Variants in RRAGC observed in about 807,000 individuals in gnomAD.
RRAGC encodes the protein ras-related GTP-binding protein C.
A neutral mutation model predicts 37.1 loss-of-function variants in RRAGC; 8 were observed. That is an observed-to-expected ratio of 0.22 (90% CI 0.13 to 0.39). The LOEUF (loss-of-function observed/expected upper bound fraction) is 0.39. RRAGC is among the 10% of genes least tolerant of loss of function. The pLI, the probability that RRAGC is intolerant of heterozygous loss-of-function variation, is 1.00. For missense variants in RRAGC, 342 were observed against 497.6 expected, an observed-to-expected ratio of 0.69 and a Z score of 2.98; for synonymous variants, 190 against 181.1, an observed-to-expected ratio of 1.05 and a Z score of -0.39.
At chr1:38,858,502 A>G (rs1388310093) in intron 1 of RRAGC, among the ~76,000 whole-genome samples, 1 of 152,078 alleles carries the variant, frequency 6.6e-6, no homozygotes, top group Non-Finnish European at 1.5e-5. Context: ...GTTCGAGATG[A>G]CCCTGGCCAA....
intron 5 of RRAGC, among the ~76,000 whole-genome samples, chr1:38,850,588 A>C (rs972891045): frequency 6.6e-6 from 1 of 151,992 alleles, no homozygotes; most frequent in Admixed American, 6.6e-5. Context: ...GAATAGACAG[A>C]TATAGAATAG....
At chr1:38,840,555 C>T (rs1322730770) in intron 6 of RRAGC, among the ~76,000 whole-genome samples, 1 of 152,052 alleles carries the variant, frequency 6.6e-6, no homozygotes, top group East Asian at 1.9e-4. Context: ...GAAGGAAATC[C>T]AAAGAAAAAG....
chr1:38,854,762 T>C (rs1391822374), intron 3 of RRAGC, among the ~76,000 whole-genome samples: 1 of 152,202 alleles, frequency 6.6e-6, no homozygotes, highest in Non-Finnish European at 1.5e-5. Context: ...AACTGAAAGA[T>C]CTTGGAGCCT....
At chr1:38,854,039 T>A (rs16866180) in intron 3 of RRAGC, among the ~76,000 whole-genome samples, 1,860 of 150,734 alleles carry the variant, frequency 0.012, 60 homozygotes, top group African/African-American at 0.043. Flanking sequence ...GCTTCATCCA[T>A]AGGACTGCTA....
At chr1:38,856,826 G>T in intron 2 of RRAGC, 53 bp downstream of exon 2, 1 of 1,548,068 alleles carries the variant, frequency 6.5e-7, no homozygotes, top group Non-Finnish European at 8.9e-7. Context: ...ACTTTCCTTT[G>T]TTTCTACATC....
intron 1 of RRAGC, 73 bp downstream of exon 1, chr1:38,859,337 C>G: frequency 7.2e-7 from 1 of 1,392,800 alleles, no homozygotes; most frequent in East Asian, 2.6e-5. Context: ...GGCCGCCGCC[C>G]TCCCGGGCGT....
rs1296087589 is a variant in RRAGC at position 38,851,601 on chromosome 1, T to C, written c.899+14A>G. On this transcript the variant is annotated intron_variant, in intron 5 of 6. Transcript: ENST00000373001. ...GCCTGTCTGAGATATTGCAGGAATA[T>C]ATACATAACTTACCCATATATACAA... 2.7e-6 allele frequency: 4 copies of C among 1,482,868 alleles called. No individual in the cohort carries two copies. The highest frequency in any genetic ancestry group is 2.9e-5 in the African/African-American group (2 of 68,260). The allele number at this position is 1,482,868 out of a possible 1,614,324, so 91.9% of individuals were successfully genotyped here.
At chr1:38,852,087 A>T (rs1642107168) in intron 4 of RRAGC, among the ~76,000 whole-genome samples, 1 of 152,246 alleles carries the variant, frequency 6.6e-6, no homozygotes, top group African/African-American at 2.4e-5. Context: ...TAATCCTCTT[A>T]TTAATATAAA....
chr1:38,848,817 T>C (rs758801946), intron 5 of RRAGC, among the ~76,000 whole-genome samples: 1 of 151,886 alleles, frequency 6.6e-6, no homozygotes, highest in Non-Finnish European at 1.5e-5. Context: ...AGACCCTGTC[T>C]CTACAAAAAA....
At position 38,840,202 on chromosome 1, in the gene RRAGC, C is replaced by T. The variant is rs115335357; in HGVS notation, c.1049-498G>A. On this transcript the variant is annotated intron_variant, in intron 6 of 6. Coordinates refer to ENST00000373001, the MANE Select transcript of RRAGC (RefSeq NM_022157.4). ...TCATCATATATATCCACCATCATAACGTTCTGCTAGAAAACAAATGCGATT... is the reference window on the plus strand; with the variant it reads ...TCATCATATATATCCACCATCATAATGTTCTGCTAGAAAACAAATGCGATT... 8.6e-3 allele frequency among the ~76,000 whole-genome samples: 1,283 copies of T among 149,642 alleles called. 10 individuals carry two copies. The highest frequency in any genetic ancestry group is 0.03 in the African/African-American group (1,212 of 40,666).
At chr1:38,849,150 G>C (rs560250578) in intron 5 of RRAGC, among the ~76,000 whole-genome samples, 6 of 151,974 alleles carry the variant, frequency 3.9e-5, no homozygotes, top group Non-Finnish European at 7.4e-5. Context: ...TGTGGTGTGC[G>C]GCTGTAGTCC....
chr1:38,847,878 C>G (rs1049394394), intron 5 of RRAGC: 1 of 152,072 alleles, frequency 6.6e-6, no homozygotes, highest in Non-Finnish European at 1.5e-5. Flanking sequence ...TCCATCTCTA[C>G]AAAAATATCC....
intron 1 of RRAGC, among the ~76,000 whole-genome samples, chr1:38,857,920 A>C (rs1214240270): frequency 6.6e-6 from 1 of 152,104 alleles, no homozygotes; most frequent in Middle Eastern, 3.2e-3. Context: ...AGATCACACC[A>C]CTGCCCTCCA....
At position 38,851,634 on chromosome 1, in the gene RRAGC, C is replaced by A; in HGVS notation, c.880G>T (p.Asp294Tyr). Residue 294 changes from aspartate to tyrosine, a missense_variant, in exon 5 of 7, where the codon GAT becomes TAT. Coordinates refer to ENST00000373001, the MANE Select transcript of RRAGC (RefSeq NM_022157.4). The stretch of plus-strand genomic sequence containing the variant: ...ACTTACCCATATATACAAGACACAT[C>A]AATTACAACATCGATCATGTCACAG... ...LCCDMIDVVIDVSCIYGLKED... is the reference protein window; with the variant it reads ...LCCDMIDVVIYVSCIYGLKED... 6.4e-7 allele frequency: 1 copy of A among 1,561,400 alleles called. No homozygotes were observed. The highest frequency in any genetic ancestry group is 8.6e-7 in the Non-Finnish European group (1 of 1,161,064).
At position 38,839,979 on chromosome 1, in the gene RRAGC, T is replaced by C. The variant is rs528288795; in HGVS notation, c.1049-275A>G. Among the ~76,000 whole-genome samples the C allele has an allele frequency of 7.2e-5, 11 of 151,968 alleles. No individual in the cohort carries two copies. The South Asian group carries it at 2.3e-3, about 32-fold the overall frequency. On this transcript the variant is annotated intron_variant, in intron 6 of 6. Coordinates refer to ENST00000373001, the MANE Select transcript of RRAGC (RefSeq NM_022157.4). ...GGCTAACACGGTGAAACCCCGTCTC[T>C]ACTAAAAATACAAAAAAAATTAGCC...
chr1:38,841,391 G>C (rs989235720), intron 6 of RRAGC, among the ~76,000 whole-genome samples: 3 of 149,668 alleles, frequency 2.0e-5, no homozygotes, highest in Admixed American at 2.0e-4. Context: ...TTTATAGACA[G>C]GGTCTCACTC....
At chr1:38,844,807 G>A (rs538909776) in intron 6 of RRAGC, among the ~76,000 whole-genome samples, 1 of 152,268 alleles carries the variant, frequency 6.6e-6, no homozygotes, top group East Asian at 1.9e-4. Flanking sequence ...ATTAAAAAGT[G>A]GGCAAAGGAT....
intron 5 of RRAGC, among the ~76,000 whole-genome samples, chr1:38,850,552 A>G (rs1007868578): frequency 3.3e-5 from 5 of 152,070 alleles, no homozygotes; most frequent in African/African-American, 1.2e-4. Flanking sequence ...ATAACAAAAG[A>G]GAGCATATAA....
At chr1:38,843,207 T>C (rs1641985345) in intron 6 of RRAGC, among the ~76,000 whole-genome samples, 1 of 152,050 alleles carries the variant, frequency 6.6e-6, no homozygotes. Flanking sequence ...AGCATGAGCC[T>C]ATAATCCCAG....
Sources: allele counts gnomAD v4.1 joint callset (sites outside exome capture counted in the v4.1 genomes callset), GRCh38; gene constraint gnomAD v4.1.1; transcripts MANE v1.5; gene names NCBI Gene and HGNC (gene_info 2026-07-23, HGNC 2026-07-21).